SUGCT: variants seen among roughly 807,000 people sequenced by gnomAD.
SUGCT encodes succinyl-CoA:glutarate CoA-transferase.
Under a neutral mutation model 55.0 loss-of-function variants are expected in SUGCT, and 41 were observed. The observed-to-expected ratio is 0.74, with a 90% CI of 0.58 to 0.97. SUGCT has a LOEUF of 0.97. SUGCT is among the 50% of genes least tolerant of loss of function. SUGCT has a pLI of 0.00. For missense variants in SUGCT, 568 were observed against 547.8 expected (o/e 1.04, Z -0.37); for synonymous variants, 187 against 200.4 (o/e 0.93, Z 0.56).
intron 7 of SUGCT, among the ~76,000 whole-genome samples, chr7:40,252,366 G>A (rs1397598286): frequency 1.3e-5 from 2 of 151,630 alleles, no homozygotes; most frequent in African/African-American, 4.8e-5. Context: ...CGATCTGCCT[G>A]CCTCAGCCTT....
At chr7:40,428,669 C>T (rs1787728148) in intron 9 of SUGCT, among the ~76,000 whole-genome samples, 1 of 152,132 alleles carries the variant, frequency 6.6e-6, no homozygotes, top group Non-Finnish European at 1.5e-5. Context: ...TCACACCTTA[C>T]AGCTATTTTA....
At chr7:40,401,066 T>G (rs866071103) in intron 9 of SUGCT, among the ~76,000 whole-genome samples, 1 of 152,202 alleles carries the variant, frequency 6.6e-6, no homozygotes, top group African/African-American at 2.4e-5. Flanking sequence ...TTTTTGTCAA[T>G]CATGAATTGT....
At chr7:40,148,084 A>G (rs1420070614) in intron 1 of SUGCT, among the ~76,000 whole-genome samples, 3 of 151,812 alleles carry the variant, frequency 2.0e-5, no homozygotes, top group South Asian at 2.1e-4. Flanking sequence ...AGAGACTGAC[A>G]GGGTGAGTGG....
chr7:40,963,140 G>C, the SUGCT span, among the ~76,000 whole-genome samples: 1 of 151,766 alleles, frequency 6.6e-6, no homozygotes, highest in Non-Finnish European at 1.5e-5. Flanking sequence ...ATTATTATTT[G>C]AATTATTCCC....
At chr7:40,640,966 T>C (rs569221047) in intron 12 of SUGCT, among the ~76,000 whole-genome samples, 1 of 152,336 alleles carries the variant, frequency 6.6e-6, no homozygotes, top group South Asian at 2.1e-4. Context: ...TATCAGGACA[T>C]TTTGGTGTTT....
chr7:40,514,129 A>G (rs1256577211), intron 12 of SUGCT, among the ~76,000 whole-genome samples: 1 of 152,036 alleles, frequency 6.6e-6, no homozygotes, highest in South Asian at 2.1e-4. Flanking sequence ...TACAAGTACA[A>G]TTAAATATGG....
chr7:40,295,620 A>G (rs994864592), intron 8 of SUGCT, among the ~76,000 whole-genome samples: 11 of 152,148 alleles, frequency 7.2e-5, no homozygotes, highest in African/African-American at 2.4e-4. Flanking sequence ...TCACTAATGA[A>G]TGTTTCTTGA....
chr7:40,804,350 G>A (rs1790978718), intron 13 of SUGCT, among the ~76,000 whole-genome samples: 1 of 152,044 alleles, frequency 6.6e-6, no homozygotes, highest in Non-Finnish European at 1.5e-5. Context: ...GCAGATACTT[G>A]GGACTTGTTA....
the SUGCT span, among the ~76,000 whole-genome samples, chr7:40,925,762 G>A: frequency 6.6e-6 from 1 of 152,006 alleles, no homozygotes; most frequent in Admixed American, 6.6e-5. Flanking sequence ...GCAGAGTCAC[G>A]AATCATACTC....
chr7:40,330,686 G>A (rs568936073), intron 9 of SUGCT, among the ~76,000 whole-genome samples: 2 of 76,828 alleles, frequency 2.6e-5, no homozygotes, highest in East Asian at 0.014. Flanking sequence ...TCTGGATGGG[G>A]GGGCATTTAT....
intron 9 of SUGCT, among the ~76,000 whole-genome samples, chr7:40,336,311 T>C (rs1274681839): frequency 6.6e-6 from 1 of 152,184 alleles, no homozygotes. Flanking sequence ...TGGAATAGTT[T>C]CAGAAGGAAT....
In SUGCT at chr7:40,527,000, C is replaced by T. The variant is rs1793833401; in HGVS notation, c.1089+30614C>T. On this transcript the variant is annotated intron_variant, in intron 12 of 13. Coordinates refer to ENST00000335693, the MANE Select transcript of SUGCT (RefSeq NM_001193313.2). ...TTTTAAGCCATACTTTTCTTTCTTA[C>T]TTTTTTTTCAGTTCTCATTTAATTA... Among the ~76,000 whole-genome samples, 3 of 151,986 alleles carry T rather than the reference C, an allele frequency of 2.0e-5. 1 individual carries two copies. The South Asian group carries it at 6.2e-4, about 32-fold the overall frequency.
chr7:40,238,040 A>G (rs1789125502), intron 7 of SUGCT, among the ~76,000 whole-genome samples: 2 of 152,212 alleles, frequency 1.3e-5, no homozygotes, highest in Admixed American at 1.3e-4. Flanking sequence ...ATGTTATTCA[A>G]GCTTAATATA....
At chr7:40,350,548 C>G (rs1462673178) in intron 9 of SUGCT, among the ~76,000 whole-genome samples, 1 of 149,856 alleles carries the variant, frequency 6.7e-6, no homozygotes, top group Non-Finnish European at 1.5e-5. Context: ...TCAGGCTGGT[C>G]TTGAACTCTT....
chr7:40,951,042 T>A, the SUGCT span, among the ~76,000 whole-genome samples: 1 of 152,176 alleles, frequency 6.6e-6, no homozygotes, highest in South Asian at 2.1e-4. Context: ...TGGTACCAGC[T>A]CCTCCTTGTA....
chr7:40,447,170 G>A (rs1312070302), intron 9 of SUGCT, among the ~76,000 whole-genome samples: 2 of 152,038 alleles, frequency 1.3e-5, no homozygotes, highest in African/African-American at 2.4e-5. Flanking sequence ...TGATGGATTT[G>A]CCTATTTTAG....
chr7:40,584,011 TTACC>T (rs1395377383), intron 12 of SUGCT, among the ~76,000 whole-genome samples: 3 of 152,158 alleles, frequency 2.0e-5, no homozygotes, highest in Non-Finnish European at 4.4e-5. Flanking sequence ...TTCTACCAGA[TTACC>T]TTAGCTTTCC....
chr7:40,210,897 G>A (rs1787297993), intron 6 of SUGCT, among the ~76,000 whole-genome samples: 1 of 152,168 alleles, frequency 6.6e-6, no homozygotes, highest in African/African-American at 2.4e-5. Context: ...TCAGGGTGGT[G>A]TAGGTAATCC....
intron 10 of SUGCT, among the ~76,000 whole-genome samples, chr7:40,451,838 A>G (rs779000119): frequency 4.6e-5 from 7 of 152,114 alleles, no homozygotes; most frequent in Non-Finnish European, 1.0e-4. Context: ...ATGTCTTCTA[A>G]GCATTTTTTT....
Sources: allele counts gnomAD v4.1 joint callset (sites outside exome capture counted in the v4.1 genomes callset), GRCh38; gene constraint gnomAD v4.1.1; transcripts MANE v1.5; gene names NCBI Gene and HGNC (gene_info 2026-07-23, HGNC 2026-07-21).